CLNK: variants seen among roughly 807,000 people sequenced by gnomAD.
CLNK encodes the protein cytokine dependent hematopoietic cell linker, also known as cytokine-dependent hematopoietic cell linker.
Under a neutral mutation model 68.6 loss-of-function variants are expected in CLNK, and 74 were observed. The observed-to-expected ratio is 1.08, with a 90% CI of 0.89 to 1.31. The LOEUF (loss-of-function observed/expected upper bound fraction) is 1.31, where lower values mean the gene tolerates loss of function less well. Among genes scored for constraint, CLNK ranks in the 50% most tolerant of loss-of-function variants. CLNK has a pLI of 0.00. For synonymous variants in CLNK, 198 were observed against 172.2 expected, an observed-to-expected ratio of 1.15 and a Z score of -1.17; for missense variants, 553 against 515.3, an observed-to-expected ratio of 1.07 and a Z score of -0.71.
At chr4:10,585,924 G>A (rs530460762) in intron 3 of CLNK, among the ~76,000 whole-genome samples, 1 of 152,262 alleles carries the variant, frequency 6.6e-6, no homozygotes, top group South Asian at 2.1e-4. Context: ...CCAGTTTCCT[G>A]GTATTTCCAC....
At chr4:10,629,445 G>A (rs1255669252) in intron 2 of CLNK, among the ~76,000 whole-genome samples, 1 of 152,160 alleles carries the variant, frequency 6.6e-6, no homozygotes, top group African/African-American at 2.4e-5. Context: ...GAGAGTCAAG[G>A]CCATGGGGTG....
chr4:10,635,674 A>G (rs1723057572), intron 2 of CLNK: 1 of 152,186 alleles, frequency 6.6e-6, no homozygotes, highest in Non-Finnish European at 1.5e-5. Context: ...AGACTATCTC[A>G]GTTTTCTAAG....
chr4:10,674,213 C>A (rs2108898402), intron 1 of CLNK, among the ~76,000 whole-genome samples: 1 of 151,930 alleles, frequency 6.6e-6, no homozygotes, highest in Admixed American at 6.6e-5. Flanking sequence ...AGGGACCAGG[C>A]AGAAGGAGAC....
At chr4:10,561,383 C>T (rs893009177) in intron 7 of CLNK, among the ~76,000 whole-genome samples, 1 of 152,042 alleles carries the variant, frequency 6.6e-6, no homozygotes, top group Non-Finnish European at 1.5e-5. Context: ...TTGTTTTTAA[C>T]AGGAAGCTAC....
chr4:10,619,442 C>T (rs574324310), intron 2 of CLNK, among the ~76,000 whole-genome samples: 2 of 152,092 alleles, frequency 1.3e-5, no homozygotes, highest in African/African-American at 4.8e-5. Context: ...ATGTGGTTAA[C>T]CTTGTTCGAA....
chr4:10,648,501 A>G (rs1299203185), intron 2 of CLNK, among the ~76,000 whole-genome samples: 1 of 152,220 alleles, frequency 6.6e-6, no homozygotes, highest in East Asian at 1.9e-4. Flanking sequence ...CTCTTCTCAC[A>G]TAATCTCTTG....
intron 2 of CLNK, among the ~76,000 whole-genome samples, chr4:10,667,261 A>C (rs960572429): frequency 6.6e-6 from 1 of 152,188 alleles, no homozygotes; most frequent in African/African-American, 2.4e-5. Flanking sequence ...TGGTAAAATA[A>C]AGCAAATAAA....
intron 4 of CLNK, among the ~76,000 whole-genome samples, chr4:10,582,762 T>A (rs891292696): frequency 2.9e-4 from 44 of 152,132 alleles, no homozygotes; most frequent in Non-Finnish European, 2.1e-4. Flanking sequence ...AAGACACAGA[T>A]ATGCAAAAAA....
intron 4 of CLNK, among the ~76,000 whole-genome samples, chr4:10,582,360 T>G (rs1303414512): frequency 1.3e-5 from 2 of 152,226 alleles, no homozygotes; most frequent in African/African-American, 4.8e-5. Flanking sequence ...AAATCAACCT[T>G]GAAGACTGCT....
chr4:10,703,893 C>T, the CLNK span, among the ~76,000 whole-genome samples: 1 of 152,134 alleles, frequency 6.6e-6, no homozygotes, highest in African/African-American at 2.4e-5. Flanking sequence ...TATATGCAGT[C>T]TGTTGTTGAC....
At chr4:10,697,108 C>T in the CLNK span, 12 of 152,360 alleles carry the variant, frequency 7.9e-5, no homozygotes, top group East Asian at 2.3e-3. Flanking sequence ...AACCTTTCTA[C>T]ATTTTCTGCC....
intron 2 of CLNK, among the ~76,000 whole-genome samples, chr4:10,610,030 CTCGTTTTTTTTTTTTTTT>C (rs1721945824): frequency 2.4e-5 from 3 of 126,498 alleles, no homozygotes; most frequent in Admixed American, 8.7e-5. Context: ...TAAATGAATG[CTCGTTTTTTTTTTTTTTT>C]TTTTTTTTTT....
intron 1 of CLNK, among the ~76,000 whole-genome samples, chr4:10,672,681 A>G (rs1209603622): frequency 6.6e-6 from 1 of 152,188 alleles, no homozygotes; most frequent in Non-Finnish European, 1.5e-5. Context: ...TAAAAAATAT[A>G]ATGTCCCAGA....
At chr4:10,491,931 C>G (rs1394343189) in intron 18 of CLNK, among the ~76,000 whole-genome samples, 1 of 152,152 alleles carries the variant, frequency 6.6e-6, no homozygotes, top group Non-Finnish European at 1.5e-5. Context: ...CCCCTTCTCA[C>G]CCTCTCCCTC....
chr4:10,528,220 G>A (rs564338491), intron 12 of CLNK, 126 bp from the exon 13 acceptor site: 31 of 402,078 alleles, frequency 7.7e-5, no homozygotes, highest in African/African-American at 4.3e-4. Flanking sequence ...AGCATAGTTC[G>A]TAGTTTTAAA....
chr4:10,598,825 G>T (rs984004358), intron 2 of CLNK: 1 of 293,374 alleles, frequency 3.4e-6, no homozygotes, highest in Admixed American at 4.4e-5. Flanking sequence ...CTCCACAAAT[G>T]CTCCTGACCA....
chr4:10,561,846 T>A (rs1282849418), intron 7 of CLNK, among the ~76,000 whole-genome samples: 1 of 151,872 alleles, frequency 6.6e-6, no homozygotes, highest in Non-Finnish European at 1.5e-5. Context: ...AAAGACTCGG[T>A]CTCTTTCCCT....
At chr4:10,653,745 T>G (rs1342793082) in intron 2 of CLNK, among the ~76,000 whole-genome samples, 1 of 152,162 alleles carries the variant, frequency 6.6e-6, no homozygotes, top group Non-Finnish European at 1.5e-5. Context: ...ACTACTGAAA[T>G]TTATTAACCT....
At chr4:10,634,859 T>G (rs1423893274) in intron 2 of CLNK, among the ~76,000 whole-genome samples, 1 of 152,046 alleles carries the variant, frequency 6.6e-6, no homozygotes, top group African/African-American at 2.4e-5. Context: ...AAATGAGCAG[T>G]TGGACTGGGA....
Sources: gnomAD v4.1 joint callset for allele counts (sites outside exome capture counted in the v4.1 genomes callset) on GRCh38, gnomAD v4.1.1 for gene constraint, MANE v1.5 for transcripts, NCBI Gene and HGNC (gene_info 2026-07-23, HGNC 2026-07-21) for gene names.